Variants in GHR observed in about 807,000 individuals in gnomAD.
The protein encoded by GHR is growth hormone receptor, also known as GH receptor.
A neutral mutation model predicts 67.1 loss-of-function variants in GHR; 35 were observed. That is an observed-to-expected ratio of 0.52 (90% CI 0.40 to 0.69). The LOEUF (loss-of-function observed/expected upper bound fraction) is 0.69. Among genes scored for constraint, GHR ranks in the 30% least tolerant of loss-of-function variants. The pLI, the probability that GHR is intolerant of heterozygous loss-of-function variation, is 0.00. For synonymous variants in GHR, 272 were observed against 269.1 expected (o/e 1.01, Z -0.10); for missense variants, 792 against 764.6 (o/e 1.04, Z -0.42).
intron 1 of GHR, among the ~76,000 whole-genome samples, chr5:42,533,195 C>G (rs1748057929): frequency 6.6e-6 from 1 of 152,074 alleles, no homozygotes; most frequent in Non-Finnish European, 1.5e-5. Flanking sequence ...ATTAGGTATA[C>G]TTTTCATAGG....
intron 4 of GHR, among the ~76,000 whole-genome samples, chr5:42,690,629 G>T (rs73099748): frequency 0.082 from 12,434 of 152,190 alleles, 613 homozygotes; most frequent in Middle Eastern, 0.12. Context: ...ATGCAGAGCT[G>T]CTGCTTAATT....
At chr5:42,470,777 C>T (rs768246147) in intron 1 of GHR, among the ~76,000 whole-genome samples, 5 of 152,160 alleles carry the variant, frequency 3.3e-5, no homozygotes, top group Admixed American at 6.5e-5. Context: ...GTGTTTCTTA[C>T]TCAGCTGAAG....
At chr5:42,698,693 G>A (rs1757791168) in intron 5 of GHR, among the ~76,000 whole-genome samples, 1 of 152,088 alleles carries the variant, frequency 6.6e-6, no homozygotes, top group South Asian at 2.1e-4. Context: ...TCCTCACTGT[G>A]TATATCTGTA....
At chr5:42,659,809 G>C (rs1239218770) in intron 3 of GHR, among the ~76,000 whole-genome samples, 2 of 152,136 alleles carry the variant, frequency 1.3e-5, no homozygotes, top group South Asian at 2.1e-4. Context: ...GTGAGGCATT[G>C]CCTCACTCAG....
At chr5:42,547,747 T>C (rs1748803738) in intron 1 of GHR, among the ~76,000 whole-genome samples, 1 of 152,172 alleles carries the variant, frequency 6.6e-6, no homozygotes, top group Non-Finnish European at 1.5e-5. Context: ...GTAAACTACT[T>C]TATACTGCTG....
chr5:42,626,588 AG>A (rs1334098152), intron 2 of GHR, among the ~76,000 whole-genome samples: 1 of 152,018 alleles, frequency 6.6e-6, no homozygotes, highest in Non-Finnish European at 1.5e-5. Flanking sequence ...GAGGTTGGAG[AG>A]TGGGGCTGAA....
chr5:42,429,559 A>C (rs1743000395), intron 1 of GHR, among the ~76,000 whole-genome samples: 1 of 152,266 alleles, frequency 6.6e-6, no homozygotes, highest in Admixed American at 6.5e-5. Context: ...CCTATAAACA[A>C]GATAACTTGT....
chr5:42,510,559 G>C (rs964218433), intron 1 of GHR, among the ~76,000 whole-genome samples: 1 of 152,160 alleles, frequency 6.6e-6, no homozygotes, highest in Non-Finnish European at 1.5e-5. Context: ...GATTGGAATA[G>C]AACACTCATA....
At chr5:42,650,281 A>G (rs1754950992) in intron 3 of GHR, among the ~76,000 whole-genome samples, 1 of 152,128 alleles carries the variant, frequency 6.6e-6, no homozygotes, top group East Asian at 1.9e-4. Flanking sequence ...TGCTTGCATT[A>G]TATTCACTAT....
At chr5:42,553,816 A>G (rs1749163853) in intron 1 of GHR, among the ~76,000 whole-genome samples, 1 of 152,166 alleles carries the variant, frequency 6.6e-6, no homozygotes, top group Admixed American at 6.5e-5. Flanking sequence ...TTTCATCTAT[A>G]CAAGTGTATT....
At chr5:42,468,249 TTCC>T (rs772062758) in intron 1 of GHR, 26 of 1,553,762 alleles carry the variant, frequency 1.7e-5, no homozygotes, top group Non-Finnish European at 2.2e-5. Flanking sequence ...AGTTTTCTTC[TTCC>T]TCCTCCTCCT....
chr5:42,521,437 C>T (rs1747469801), intron 1 of GHR, among the ~76,000 whole-genome samples: 1 of 152,148 alleles, frequency 6.6e-6, no homozygotes, highest in Non-Finnish European at 1.5e-5. Flanking sequence ...TCAGGATTTA[C>T]TCCATATTTC....
At chr5:42,491,808 G>A (rs994850998) in intron 1 of GHR, among the ~76,000 whole-genome samples, 1 of 152,150 alleles carries the variant, frequency 6.6e-6, no homozygotes, top group Non-Finnish European at 1.5e-5. Context: ...ATTTGTGGGT[G>A]GGCCTTCACT....
intron 1 of GHR, among the ~76,000 whole-genome samples, chr5:42,463,634 T>C (rs1411475154): frequency 6.6e-6 from 1 of 152,326 alleles, no homozygotes; most frequent in East Asian, 1.9e-4. Flanking sequence ...TTTGAAGGCC[T>C]TTTAATCTTT....
chr5:42,462,937 T>TA (rs1005507920), intron 1 of GHR, among the ~76,000 whole-genome samples: 45 of 150,362 alleles, frequency 3.0e-4, no homozygotes, highest in Middle Eastern at 3.5e-3. Context: ...TTTTGAAAAA[T>TA]AAAAAAAAAC....
intron 2 of GHR, among the ~76,000 whole-genome samples, chr5:42,627,479 A>G (rs1042041196): frequency 1.6e-4 from 24 of 152,248 alleles, no homozygotes; most frequent in Non-Finnish European, 7.3e-5. Context: ...AAATGATGCC[A>G]TAACAGGTGT....
At chr5:42,576,125 A>AAATAC (rs1561135981) in intron 2 of GHR, among the ~76,000 whole-genome samples, 1 of 98,354 alleles carries the variant, frequency 1.0e-5, no homozygotes, top group Non-Finnish European at 2.2e-5. Context: ...AAATAAAATA[A>AAATAC]AATAAAATAA....
At position 42,468,473 on chromosome 5, in the gene GHR, C is replaced by T. The variant is rs1355478576; in HGVS notation, c.-12+44518C>T. 7.4e-6 allele frequency: 6 copies of T among 810,410 alleles called. No individual in the cohort carries two copies. In the South Asian group the frequency reaches 8.9e-5, roughly 12 times the overall value. The allele number at this position is 810,410 out of a possible 1,614,324, so 50.2% of individuals were successfully genotyped here. A position where few individuals can be genotyped will look rare whatever the true frequency, so the allele number is the denominator to read the frequency against. ...CTACGTGCGCAGCTGAGAGGCCCGA[C>T]CAGAGTTCACTGGCTCTGCAGCAGG... On this transcript the variant is annotated intron_variant, in intron 1 of 9. Coordinates refer to ENST00000230882, the MANE Select transcript of GHR (RefSeq NM_000163.5).
chr5:42,684,879 A>G (rs1757063381), intron 3 of GHR, among the ~76,000 whole-genome samples: 1 of 152,162 alleles, frequency 6.6e-6, no homozygotes, highest in African/African-American at 2.4e-5. Context: ...TGTACTATTG[A>G]GGGCAACAGT....
Sources: gnomAD v4.1 joint callset for allele counts (sites outside exome capture counted in the v4.1 genomes callset) on GRCh38, gnomAD v4.1.1 for gene constraint, MANE v1.5 for transcripts, NCBI Gene and HGNC (gene_info 2026-07-23, HGNC 2026-07-21) for gene names.